Variants in DENND5A observed in about 807,000 individuals in gnomAD.
The protein encoded by DENND5A is DENN domain containing 5A.
DENND5A carries 64 observed loss-of-function variants against 140.3 expected under a neutral mutation model. The ratio of observed to expected loss-of-function variants is 0.46; its 90% CI spans 0.37 to 0.56. The LOEUF is 0.56. DENND5A is among the 20% of genes least tolerant of loss of function. The pLI, the probability that DENND5A is intolerant of heterozygous loss-of-function variation, is 0.00. For synonymous variants in DENND5A, 605 were observed against 607.7 expected (o/e 1.00, Z 0.07); for missense variants, 1,292 against 1,593.8 (o/e 0.81, Z 3.22).
intron 20 of DENND5A, chr11:9,143,065 ACACAC>A (rs1847300036): frequency 6.5e-6 from 4 of 618,584 alleles, no homozygotes; most frequent in Non-Finnish European, 1.1e-5. Flanking sequence ...GATCTGGGTC[ACACAC>A]AAGGAGATTC....
intron 1 of DENND5A, among the ~76,000 whole-genome samples, chr11:9,247,272 G>C (rs1187724936): frequency 6.6e-6 from 1 of 151,478 alleles, no homozygotes; most frequent in Non-Finnish European, 1.5e-5. Flanking sequence ...CCACTGGGGA[G>C]GCCAGGATTT....
chr11:9,238,660 C>T (rs879383860), intron 1 of DENND5A, among the ~76,000 whole-genome samples: 2 of 151,828 alleles, frequency 1.3e-5, no homozygotes, highest in Non-Finnish European at 2.9e-5. Flanking sequence ...GTGATCCGCC[C>T]GCCTCGGCCT....
At chr11:9,219,529 T>TAAAG (rs1850227261) in intron 1 of DENND5A, among the ~76,000 whole-genome samples, 1 of 152,178 alleles carries the variant, frequency 6.6e-6, no homozygotes, top group African/African-American at 2.4e-5. Flanking sequence ...ATGAATCCTT[T>TAAAG]CTCAGGAAGC....
intron 1 of DENND5A, among the ~76,000 whole-genome samples, chr11:9,214,855 C>A (rs945443155): frequency 6.6e-6 from 1 of 152,224 alleles, no homozygotes; most frequent in African/African-American, 2.4e-5. Context: ...TCCCAACTAG[C>A]TGGGATTACA....
chr11:9,261,941 T>A (rs776450891), intron 1 of DENND5A, among the ~76,000 whole-genome samples: 3 of 152,108 alleles, frequency 2.0e-5, no homozygotes, highest in Non-Finnish European at 4.4e-5. Context: ...GCAACCACAT[T>A]TTTAAAAAAA....
intron 4 of DENND5A, among the ~76,000 whole-genome samples, chr11:9,199,959 GGAATTTCT>G (rs1365462279): frequency 6.6e-6 from 1 of 152,288 alleles, no homozygotes; most frequent in African/African-American, 2.4e-5. Flanking sequence ...GCAATATCCA[GGAATTTCT>G]GAAAAAAGCT....
Position 9,252,505 on chromosome 11 carries a change from G to A in DENND5A, c.109+12456C>T, listed in dbSNP as rs144238666. ...TTACCAAAAATACAAAAATTAGCCA[G>A]GTGTGGTGGCGCTTGCATGTAGTCC... On this transcript the variant is annotated intron_variant, in intron 1 of 22. Coordinates refer to ENST00000328194, the MANE Select transcript of DENND5A (RefSeq NM_015213.4). Among the ~76,000 whole-genome samples the A allele has an allele frequency of 2.9e-3, 438 of 152,094 alleles. 2 individuals are homozygous for A. The highest frequency in any genetic ancestry group is 0.01 in the African/African-American group (416 of 41,506).
intron 1 of DENND5A, among the ~76,000 whole-genome samples, chr11:9,209,876 T>C (rs916465584): frequency 6.6e-6 from 1 of 151,862 alleles, no homozygotes; most frequent in African/African-American, 2.4e-5. Context: ...GAGGCTAAGG[T>C]GGGTGGATCA....
At chr11:9,227,004 A>C (rs1450752738) in intron 1 of DENND5A, among the ~76,000 whole-genome samples, 1 of 152,038 alleles carries the variant, frequency 6.6e-6, no homozygotes, top group Non-Finnish European at 1.5e-5. Flanking sequence ...CCCTGTCTCT[A>C]CTAAAAATAC....
intron 9 of DENND5A, 108 bp downstream of exon 9, chr11:9,170,519 G>T: frequency 7.3e-7 from 1 of 1,364,418 alleles, no homozygotes; most frequent in Non-Finnish European, 1.0e-6. Context: ...CTCCATATCT[G>T]CTTTAGAAAA....
At chr11:9,228,142 G>C (rs1850613616) in intron 1 of DENND5A, among the ~76,000 whole-genome samples, 1 of 144,326 alleles carries the variant, frequency 6.9e-6, no homozygotes, top group Non-Finnish European at 1.5e-5. Context: ...ACTTACATTT[G>C]GTCTTAGTCC....
intron 1 of DENND5A, among the ~76,000 whole-genome samples, chr11:9,255,378 A>G (rs796493383): frequency 4.3e-4 from 64 of 148,764 alleles, no homozygotes; most frequent in African/African-American, 1.6e-3. Context: ...ATCATTTTTC[A>G]GGTTGTTTAA....
rs1485396632 is a variant in DENND5A at position 9,165,881 on chromosome 11, G to A, written c.2238C>T (p.Thr746=). 6.2e-7 allele frequency: 1 copy of A among 1,614,074 alleles called. No individual in the cohort carries two copies. Among genetic ancestry groups the A allele is most frequent in the Admixed American group, 1.7e-5 (1 of 60,020 alleles). Residue 746 remains threonine, a synonymous_variant, in exon 11 of 23, where the codon ACC becomes ACT. Coordinates refer to ENST00000328194, the MANE Select transcript of DENND5A (RefSeq NM_015213.4). The stretch of plus-strand genomic sequence containing the variant: ...GCAGGCCCTCTACAAACTTCCAATT[G>A]GTCTGGGCAATCACTGATGGAGAGA... The part of the protein sequence containing the change: ...SNLSPSVIAQ[T]NWKFVEGLLK...
At chr11:9,153,344 CAAAA>C (rs59736475) in intron 12 of DENND5A, among the ~76,000 whole-genome samples, 272 of 27,000 alleles carry the variant, frequency 0.01, no homozygotes, top group African/African-American at 0.033. Context: ...GGCTCCCTCT[CAAAA>C]AAAAAAAAAA....
At position 9,178,962 on chromosome 11, in the gene DENND5A, G is replaced by A. The variant is rs201977017; in HGVS notation, c.1567C>T (p.Arg523Cys). ...TAATCTGCAAACATCTGAGTGAAAC[G>A]ATTTGCAAAAACTTCCCGGATCTGA... ...NIQIREVFAN[R>C]FTQMFADYEV... The change falls in exon 7 of 23, where the codon CGT becomes TGT. Residue 523 changes from arginine to cysteine, a missense_variant. Physicochemically the swap from Arg to Cys is radical, Grantham distance 180. Transcript: ENST00000328194. The A allele has an allele frequency of 6.4e-5, 104 of 1,613,968 alleles. No homozygotes were observed. Among genetic ancestry groups the A allele is most frequent in the South Asian group, 5.5e-5 (5 of 91,080 alleles).
At chr11:9,145,507 G>T in intron 17 of DENND5A, 163 bp downstream of exon 17, 5 of 798,934 alleles carry the variant, frequency 6.3e-6, no homozygotes, top group Non-Finnish European at 1.0e-5. Flanking sequence ...CCCTCCTCAG[G>T]GTCAGTCTTT....
chr11:9,200,195 C>G (rs1050367451), intron 4 of DENND5A, among the ~76,000 whole-genome samples: 2 of 152,180 alleles, frequency 1.3e-5, no homozygotes, highest in Non-Finnish European at 2.9e-5. Flanking sequence ...CTAAACACCC[C>G]CAATGCCTAA....
Position 9,169,867 on chromosome 11 carries a change from C to A in DENND5A, c.2140G>T (p.Asp714Tyr). The change falls in exon 10 of 23, where the codon GAC becomes TAC. Residue 714 changes from aspartate (D) to tyrosine (Y), a missense_variant. Physicochemically the swap from Asp to Tyr is radical, Grantham distance 160. Around this residue, in one of 4 missense-constraint regions of DENND5A, gnomAD observed 199 missense variants for 189.1 expected, o/e 1.05. Transcript: ENST00000328194. ...TTAAGGTATCTTACCTCCCTCTGGTCATTATCTAAACGCAGGTGTTCTGTG... is the reference window on the plus strand; with the variant it reads ...TTAAGGTATCTTACCTCCCTCTGGTAATTATCTAAACGCAGGTGTTCTGTG... ...QHTEHLRLDN[D>Y]QREKYIQEAR... The A allele has an allele frequency of 1.9e-6, 3 of 1,607,834 alleles. No individual in the cohort carries two copies. The South Asian group carries it at 3.3e-5, about 18-fold the overall frequency.
chr11:9,157,920 C>A (rs1473561652), intron 12 of DENND5A, among the ~76,000 whole-genome samples: 1 of 152,146 alleles, frequency 6.6e-6, no homozygotes, highest in African/African-American at 2.4e-5. Context: ...CCAGTGGAGC[C>A]AGGATTCAAA....
Sources: allele counts gnomAD v4.1 joint callset (sites outside exome capture counted in the v4.1 genomes callset), GRCh38; gene constraint gnomAD v4.1.1; regional missense constraint gnomAD v4.1.1; transcripts MANE v1.5; gene names NCBI Gene and HGNC (gene_info 2026-07-23, HGNC 2026-07-21).